Variants in EPC2 observed in about 807,000 individuals in gnomAD.
EPC2 encodes the protein enhancer of polycomb 2.
Under a neutral mutation model 92.1 loss-of-function variants are expected in EPC2, and 14 were observed. The ratio of observed to expected loss-of-function variants is 0.15; its 90% CI spans 0.10 to 0.24. The LOEUF (loss-of-function observed/expected upper bound fraction) is 0.24. EPC2 is among the 10% of genes least tolerant of loss of function. The probability of loss-of-function intolerance (pLI) is 1.00; values close to 1 mark genes in which losing one functional copy is unlikely to be tolerated. For synonymous variants in EPC2, 340 were observed against 334.7 expected (o/e 1.02, Z -0.17); for missense variants, 755 against 971.5 (o/e 0.78, Z 2.96).
intron 1 of EPC2, among the ~76,000 whole-genome samples, chr2:148,654,584 G>C (rs1680751151): frequency 6.6e-6 from 1 of 152,084 alleles, no homozygotes; most frequent in South Asian, 2.1e-4. Context: ...CTTGAGCCCG[G>C]GAATTCAAGG....
At chr2:148,708,817 A>G (rs1271625216) in intron 2 of EPC2, among the ~76,000 whole-genome samples, 1 of 152,236 alleles carries the variant, frequency 6.6e-6, no homozygotes, top group African/African-American at 2.4e-5. Flanking sequence ...AAAACTCTCA[A>G]TAAACTAGGC....
chr2:148,783,841 G>A (rs1267804815), intron 12 of EPC2, 85 bp downstream of exon 12: 2 of 1,354,604 alleles, frequency 1.5e-6, no homozygotes, highest in Non-Finnish European at 2.0e-6. Context: ...TTTTATCCAA[G>A]GGGAAAATGT....
Position 148,786,591 on chromosome 2 carries a change from TTC to T in EPC2, c.*216_*217del. 1 of 417,726 alleles carries T rather than the reference TTC, an allele frequency of 2.4e-6. No individual in the cohort carries two copies. The highest frequency in any genetic ancestry group is 3.9e-4 in the Middle Eastern group (1 of 2,596). 25.9% of individuals were successfully genotyped at this position (417,726 alleles called of 1,614,324 possible). On this transcript the variant is annotated 3_prime_UTR_variant, in exon 14 of 14. Transcript: ENST00000258484. ...AGTTTATTTGTATCATCAATATTAT[TTC>T]TGTTACTTGAATAGTAGATATTCAT... is the stretch of plus-strand genomic sequence containing the variant.
chr2:148,745,106 T>C (rs1462751812), intron 3 of EPC2, among the ~76,000 whole-genome samples: 1 of 151,962 alleles, frequency 6.6e-6, no homozygotes, highest in African/African-American at 2.4e-5. Context: ...GAGATTGTCT[T>C]ACTTGGTTTT....
At chr2:148,691,431 G>A (rs1314335506) in intron 2 of EPC2, 7 of 1,330,132 alleles carry the variant, frequency 5.3e-6, no homozygotes, top group Middle Eastern at 3.9e-4. Flanking sequence ...CTGGTGATTT[G>A]TATTTTTAAA....
At chr2:148,749,263 A>G (rs1191385607) in intron 3 of EPC2, among the ~76,000 whole-genome samples, 1 of 152,038 alleles carries the variant, frequency 6.6e-6, no homozygotes, top group East Asian at 1.9e-4. Flanking sequence ...TGGTTTCCCT[A>G]CTGGATCAGT....
At chr2:148,782,048 A>G (rs1683759919) in intron 11 of EPC2, among the ~76,000 whole-genome samples, 1 of 152,200 alleles carries the variant, frequency 6.6e-6, no homozygotes, top group African/African-American at 2.4e-5. Context: ...GTAATTATAT[A>G]TGTAGTTGTA....
chr2:148,762,056 T>C, intron 5 of EPC2, 126 bp downstream of exon 5: 1 of 755,770 alleles, frequency 1.3e-6, no homozygotes, highest in Non-Finnish European at 2.0e-6. Context: ...CTGTAAGAAT[T>C]TATATTTTTT....
intron 2 of EPC2, among the ~76,000 whole-genome samples, chr2:148,728,892 C>T (rs1682557712): frequency 6.6e-6 from 1 of 151,032 alleles, no homozygotes; most frequent in Non-Finnish European, 1.5e-5. Flanking sequence ...ATTAGCCGGG[C>T]ATGGTGGTGG....
chr2:148,781,740 A>G lies in EPC2; in HGVS notation c.1817A>G (p.Gln606Arg), dbSNP rs1439707633. ...CTTGCCCAGCTTCAGCAGAAACAGC[A>G]ATCTCAGCATTCCTCGCAACAGACA... is the stretch of plus-strand genomic sequence containing the variant. The part of the protein sequence containing the change: ...QQLAQLQQKQ[Q>R]SQHSSQQTHP... Residue 606 changes from glutamine (Q) to arginine (R), a missense_variant, in exon 11 of 14, where the codon CAA (glutamine) becomes CGA (arginine). Physicochemically the swap from Gln to Arg is conservative, Grantham distance 43. Transcript: ENST00000258484. 4 of 1,613,902 alleles carry G rather than the reference A, an allele frequency of 2.5e-6. No individual in the cohort carries two copies. The Admixed American group carries it at 6.7e-5, about 27-fold the overall frequency.
At chr2:148,732,225 T>G (rs1010157119) in intron 2 of EPC2, among the ~76,000 whole-genome samples, 4 of 152,164 alleles carry the variant, frequency 2.6e-5, no homozygotes, top group African/African-American at 9.7e-5. Flanking sequence ...TGCCTGTACC[T>G]AAGGGGTTCC....
chr2:148,771,266 A>T lies in EPC2; in HGVS notation c.1599A>T (p.Leu533=), dbSNP rs749094942. Residue 533 remains leucine (L), a synonymous_variant, in exon 10 of 14, where the codon CTA becomes CTT. Coordinates refer to ENST00000258484, the MANE Select transcript of EPC2 (RefSeq NM_015630.4). ...TACAGTGTTTCCAGCCAAGGCTACT[A>T]AATTTACAGGACAGTGATAGTGAAG... The part of the protein sequence containing the change: ...CRLQCFQPRL[L]NLQDSDSEEC... 5.0e-6 allele frequency: 8 copies of T among 1,613,882 alleles called. No homozygotes were observed. Among genetic ancestry groups the T allele is most frequent in the Non-Finnish European group, 6.8e-6 (8 of 1,179,876 alleles).
At position 148,739,830 on chromosome 2, in the gene EPC2, C is replaced by CTTTTTTTTTTTTTTTTTTTTTTTTTTT. The variant is rs879739457; in HGVS notation, c.314-3790_314-3789insTTTTTTTTTTTTTTTTTTTTTTTTTTT. On this transcript the variant is annotated intron_variant, in intron 2 of 13. Transcript: ENST00000258484. Reference sequence around the variant, plus strand: ...TCTTTCTTCCTTTTCTTTTCTTCTTCTTCTTTTTTTTTTTTTTTTTTTTTT... The same window carrying CTTTTTTTTTTTTTTTTTTTTTTTTTTT: ...TCTTTCTTCCTTTTCTTTTCTTCTTCTTTTTTTTTTTTTTTTTTTTTTTTTTTTTCTTTTTTTTTTTTTTTTTTTTTT... Among the ~76,000 whole-genome samples, 19 of 96,706 alleles carry CTTTTTTTTTTTTTTTTTTTTTTTTTTT rather than the reference C, an allele frequency of 2.0e-4. 1 individual carries two copies. The highest frequency in any genetic ancestry group is 1.6e-3 in the East Asian group (4 of 2,570). The allele number at this position is 96,706 out of a possible 152,430, so 63.4% of individuals were successfully genotyped here.
intron 1 of EPC2, among the ~76,000 whole-genome samples, chr2:148,647,111 C>T (rs555572440): frequency 1.2e-3 from 179 of 151,764 alleles, no homozygotes; most frequent in Non-Finnish European, 2.2e-3. Flanking sequence ...CTCCGTCCCC[C>T]CCAACAACAA....
intron 1 of EPC2, among the ~76,000 whole-genome samples, chr2:148,679,272 G>C (rs1445532196): frequency 6.6e-6 from 1 of 152,112 alleles, no homozygotes; most frequent in Non-Finnish European, 1.5e-5. Context: ...TCTCTAGTAA[G>C]GATGGAGTAA....
At chr2:148,651,439 C>G (rs1479616711) in intron 1 of EPC2, among the ~76,000 whole-genome samples, 1 of 152,102 alleles carries the variant, frequency 6.6e-6, no homozygotes, top group Non-Finnish European at 1.5e-5. Context: ...CCGTTTAAAA[C>G]ATAGAAGCAC....
At chr2:148,647,813 A>G (rs978817335) in intron 1 of EPC2, among the ~76,000 whole-genome samples, 1 of 151,024 alleles carries the variant, frequency 6.6e-6, no homozygotes, top group Non-Finnish European at 1.5e-5. Context: ...TTGTATTTTT[A>G]GTAGAGACGA....
rs1187275801 is a variant in EPC2 at position 148,652,733 on chromosome 2, AC to A, written c.153+7564del. Among the ~76,000 whole-genome samples, 5 of 152,222 alleles carry A rather than the reference AC, an allele frequency of 3.3e-5. No individual in the cohort carries two copies. In the East Asian group the frequency reaches 7.7e-4, roughly 23 times the overall value. ...AATGCTTAAGGTTTAACTCTTTAAT[AC>A]TGCTGAGATCCTGTCAATTTGGCTT... On this transcript the variant is annotated intron_variant, in intron 1 of 13. Transcript: ENST00000258484.
intron 6 of EPC2, among the ~76,000 whole-genome samples, chr2:148,763,184 C>T (rs528545601): frequency 3.3e-5 from 5 of 152,254 alleles, no homozygotes; most frequent in Admixed American, 6.5e-5. Flanking sequence ...AAGGAATCAA[C>T]ACCTCAAAGC....
Sources: gnomAD v4.1 joint callset for allele counts (sites outside exome capture counted in the v4.1 genomes callset) on GRCh38, gnomAD v4.1.1 for gene constraint, MANE v1.5 for transcripts, NCBI Gene and HGNC (gene_info 2026-07-23, HGNC 2026-07-21) for gene names.